Variants in GCN1 observed in about 807,000 individuals in gnomAD.
GCN1 encodes the protein GCN1 activator of EIF2AK4.
A neutral mutation model predicts 288.4 loss-of-function variants in GCN1; 90 were observed. The observed-to-expected ratio is 0.31, with a 90% CI of 0.26 to 0.37. GCN1 has a LOEUF of 0.37. Among genes scored for constraint, GCN1 ranks in the 10% least tolerant of loss-of-function variants. The pLI is 1.00. For missense variants in GCN1, 2,586 were observed against 3,419.9 expected (o/e 0.76, Z 6.08); for synonymous variants, 1,386 against 1,420.2 (o/e 0.98, Z 0.54).
rs762680045 is a variant in GCN1, at chr12:120,162,916, A to G, written c.2094T>C (p.Pro698=). The change falls in exon 20 of 58, where the codon CCT becomes CCC. Residue 698 remains proline (P), a synonymous_variant. Transcript: ENST00000300648. The part of the protein sequence containing the change: ...PALLARMKID[P]EAFITRHLDQ... Reference sequence around the variant, plus strand: ...CCAGGTGCCTGGTGATAAAGGCTTCAGGATCGATCTTCATCCTGGCAAGAA... The same window carrying G: ...CCAGGTGCCTGGTGATAAAGGCTTCGGGATCGATCTTCATCCTGGCAAGAA... 7 of 1,614,064 alleles carry G rather than the reference A, an allele frequency of 4.3e-6. No homozygotes were observed. In the Admixed American group the frequency reaches 1.2e-4, roughly 27 times the overall value.
rs1395494638 is a variant in GCN1, at chr12:120,155,582, G to A, written c.3440+10C>T. The A allele has an allele frequency of 6.2e-7, 1 of 1,613,714 alleles. No homozygotes were observed. The highest frequency in any genetic ancestry group is 1.3e-5 in the African/African-American group (1 of 74,918). ...TGCAGCAGGAGAAAGCGACATGCTG[G>A]CTCTCTCACCTCTCAGCCAGCTTCC... On this transcript the variant is annotated intron_variant, in intron 29 of 57. Coordinates refer to ENST00000300648, the MANE Select transcript of GCN1 (RefSeq NM_006836.2). The surrounding 1 kb of genome is among the most constrained non-coding windows in gnomAD (Gnocchi z 4.9).
intron 51 of GCN1, among the ~76,000 whole-genome samples, chr12:120,135,948 G>A (rs1023634166): frequency 2.6e-5 from 4 of 151,238 alleles, no homozygotes; most frequent in South Asian, 2.1e-4. Flanking sequence ...CCCAGGAGGC[G>A]GAGGTTGCAG....
intron 44 of GCN1, among the ~76,000 whole-genome samples, chr12:120,141,561 C>T (rs978517473): frequency 2.0e-5 from 3 of 152,310 alleles, no homozygotes; most frequent in East Asian, 1.9e-4. Flanking sequence ...CCCCTGCCAG[C>T]GCGCCAGCCT....
chr12:120,157,971 G>A lies in GCN1; in HGVS notation c.2965C>T (p.Leu989=). Residue 989 remains leucine, a synonymous_variant, in exon 26 of 58, where the codon CTG becomes TTG. Transcript: ENST00000300648. ...SLVFPFLKMV[L]TEMPHHSEEE... ...TCACTGTGGTGGGGCATCTCCGTCA[G>A]CACCATCTTCAGAAACGGGAAGACT... 1 of 1,614,032 alleles carries A rather than the reference G, an allele frequency of 6.2e-7. No homozygotes were observed. Among genetic ancestry groups the A allele is most frequent in the Non-Finnish European group, 8.5e-7 (1 of 1,180,014 alleles).
At position 120,128,559 on chromosome 12, in the gene GCN1, C is replaced by T. The variant is rs187945656; in HGVS notation, c.7891-585G>A. On this transcript the variant is annotated intron_variant, in intron 57 of 57. Coordinates refer to ENST00000300648, the MANE Select transcript of GCN1 (RefSeq NM_006836.2). ...CCATGTTGGTCAGGCTGGTCTCGAACTCCTGACCTCCGGTGATCCGCCCAC... is the reference window on the plus strand; with the variant it reads ...CCATGTTGGTCAGGCTGGTCTCGAATTCCTGACCTCCGGTGATCCGCCCAC... Among the ~76,000 whole-genome samples, 691 of 151,030 alleles carry T rather than the reference C, an allele frequency of 4.6e-3. 1 individual carries two copies. The highest frequency in any genetic ancestry group is 6.7e-3 in the Non-Finnish European group (456 of 67,684).
Position 120,155,028 on chromosome 12 carries a change from C to T in GCN1, c.3643G>A (p.Val1215Met). The stretch of plus-strand genomic sequence containing the variant: ...ATAACTCGTCCCAAAGCATCCAGCA[C>T]TGGGGGCGGCCGCTGCAACAGACAA... ...YQEKLYRPPPVLDALGRVISE... is the reference protein window; with the variant it reads ...YQEKLYRPPPMLDALGRVISE... The change falls in exon 31 of 58, where the codon GTG becomes ATG. Residue 1215 changes from valine (V) to methionine (M), a missense_variant. Val to Met is a conservative substitution (Grantham distance 21, BLOSUM62 1). Transcript: ENST00000300648. This position sits in a 1 kb window ranked among gnomAD's most constrained non-coding sequence, Gnocchi z 4.9. 2 of 1,613,826 alleles carry T rather than the reference C, an allele frequency of 1.2e-6. No homozygotes were observed. The highest frequency in any genetic ancestry group is 2.2e-5 in the South Asian group (2 of 91,082).
intron 56 of GCN1, among the ~76,000 whole-genome samples, chr12:120,129,923 C>T (rs1433262095): frequency 6.6e-6 from 1 of 152,226 alleles, no homozygotes. Flanking sequence ...CATCTCTACA[C>T]CTTCAGGATA....
At position 120,194,690 on chromosome 12, in the gene GCN1, G is replaced by T. The variant is rs1879117506; in HGVS notation, c.8C>A (p.Ala3Glu). The T allele has an allele frequency of 6.6e-7, 1 of 1,512,456 alleles. No individual in the cohort carries two copies. Among genetic ancestry groups the T allele is most frequent in the African/African-American group, 1.4e-5 (1 of 69,636 alleles). 93.7% of individuals were successfully genotyped at this position (1,512,456 alleles called of 1,614,324 possible). A position where few individuals can be genotyped will look rare whatever the true frequency, so the allele number is the denominator to read the frequency against. MA[A>E]DTQVSETLKR... is the part of the protein sequence containing the mutation. ...AGCCGCCCGCCTCACCTGCGTGTCC[G>T]CCGCCATCCTGCCGGGGCTGACTCC... The change falls in exon 1 of 58, where the codon GCG becomes GAG. Residue 3 changes from alanine to glutamate, a missense_variant. By Grantham distance (107) the Ala-to-Glu change is moderately radical (BLOSUM62 -1). Coordinates refer to ENST00000300648, the MANE Select transcript of GCN1 (RefSeq NM_006836.2).
At chr12:120,187,592 T>C (rs1325049201) in intron 2 of GCN1, among the ~76,000 whole-genome samples, 1 of 151,800 alleles carries the variant, frequency 6.6e-6, no homozygotes. Context: ...CTGGGTTCTG[T>C]GCCCAAACTT....
chr12:120,148,087 G>T, intron 37 of GCN1, 80 bp downstream of exon 37: 1 of 958,902 alleles, frequency 1.0e-6, no homozygotes, highest in East Asian at 2.5e-5. Flanking sequence ...TTAGCTGAAT[G>T]GGTGCAAGTT....
In GCN1 at chr12:120,156,315, A is replaced by T; in HGVS notation, c.3312+146T>A. The T allele has an allele frequency of 1.4e-6, 1 of 717,706 alleles. No homozygotes were observed. Among genetic ancestry groups the T allele is most frequent in the Non-Finnish European group, 2.3e-6 (1 of 431,746 alleles). 44.5% of individuals were successfully genotyped at this position (717,706 alleles called of 1,614,324 possible). On this transcript the variant is annotated intron_variant, in intron 28 of 57. Transcript: ENST00000300648. This position sits in a 1 kb window ranked among gnomAD's most constrained non-coding sequence, Gnocchi z 5.8. ...ATGACTGCTTAGTGTTCTGATTCTC[A>T]GAGAGACCCCAACCATGTGACTTCT...
At chr12:120,129,566 G>T in intron 56 of GCN1, 72 bp from the exon 57 acceptor site, 1 of 1,079,006 alleles carries the variant, frequency 9.3e-7, no homozygotes, top group Non-Finnish European at 1.4e-6. Flanking sequence ...CAAATGCCCA[G>T]CCTCGACACT....
At chr12:120,165,089 GGCTGGA>G (rs1440918690) in intron 16 of GCN1, among the ~76,000 whole-genome samples, 6 of 149,972 alleles carry the variant, frequency 4.0e-5, no homozygotes, top group African/African-American at 1.5e-4. Flanking sequence ...CTGTCGCCCA[GGCTGGA>G]GTGCAGTGGC....
rs12311126 is a variant in GCN1 at position 120,169,835 on chromosome 12, G to A, written c.1519+334C>T. On this transcript the variant is annotated intron_variant, in intron 15 of 57. Coordinates refer to ENST00000300648, the MANE Select transcript of GCN1 (RefSeq NM_006836.2). ...CGGGAAAAGACAGGGCTAAGGGGAA[G>A]CTTCTCATGTTATATCCTTTTGAAT... 7.3e-3 allele frequency among the ~76,000 whole-genome samples: 1,106 copies of A among 152,326 alleles called. 8 individuals are homozygous for A. The highest frequency in any genetic ancestry group is 0.025 in the African/African-American group (1,033 of 41,578).
chr12:120,139,630 T>TA (rs57032535), intron 45 of GCN1, among the ~76,000 whole-genome samples: 1,939 of 139,332 alleles, frequency 0.014, 28 homozygotes, highest in African/African-American at 0.046. Flanking sequence ...CCCGTCTCAA[T>TA]AAAAAAAAAA....
intron 2 of GCN1, among the ~76,000 whole-genome samples, chr12:120,187,874 T>C (rs1594291369): frequency 1.8e-5 from 2 of 114,156 alleles, no homozygotes. Flanking sequence ...AAAACAAACA[T>C]ACCAAAAGAA....
At chr12:120,149,558 G>T in intron 36 of GCN1, 48 bp downstream of exon 36, 1 of 1,373,642 alleles carries the variant, frequency 7.3e-7, no homozygotes, top group Non-Finnish European at 1.0e-6. Flanking sequence ...GCTGAGGCTG[G>T]TTTTCATAAC....
At chr12:120,147,489 C>T (rs1402158094) in intron 37 of GCN1, among the ~76,000 whole-genome samples, 1 of 152,208 alleles carries the variant, frequency 6.6e-6, no homozygotes, top group East Asian at 1.9e-4. Flanking sequence ...CCGCCTCAGC[C>T]TCCCAAAGCG....
rs368772341 is a variant in GCN1 at position 120,175,821 on chromosome 12, G to A, written c.967C>T (p.Arg323Trp). ...TCACTGCACTGGCGTGCCAGGTTCC[G>A]CAGTGCCAGCACAGCTTCATCCATC... ...RLMDEAVLAL[R>W]NLARQCSDSS... Residue 323 changes from arginine (R) to tryptophan (W), a missense_variant, in exon 11 of 58, where the codon CGG (arginine) becomes TGG (tryptophan). Arg to Trp is a moderately radical substitution (Grantham distance 101, BLOSUM62 -3). Coordinates refer to ENST00000300648, the MANE Select transcript of GCN1 (RefSeq NM_006836.2). The A allele has an allele frequency of 6.0e-5, 97 of 1,612,850 alleles. No individual in the cohort carries two copies. The highest frequency in any genetic ancestry group is 1.2e-4 in the South Asian group (11 of 90,844).
Sources: allele counts gnomAD v4.1 joint callset (sites outside exome capture counted in the v4.1 genomes callset), GRCh38; gene constraint gnomAD v4.1.1; non-coding constraint Gnocchi (gnomAD v3.1); transcripts MANE v1.5; gene names NCBI Gene and HGNC (gene_info 2026-07-23, HGNC 2026-07-21).